Variants in NAA40 observed in about 807,000 individuals in gnomAD.
The protein encoded by NAA40 is N-alpha-acetyltransferase 40, NatD catalytic subunit.
In NAA40, 26 loss-of-function variants were observed where a neutral mutation model predicts 36.6. The observed-to-expected ratio is 0.71, with a 90% CI of 0.52 to 0.98. NAA40 has a LOEUF of 0.98. NAA40 is among the 50% of genes least tolerant of loss of function. The pLI is 0.00. For synonymous variants in NAA40, 129 were observed against 108.4 expected, an observed-to-expected ratio of 1.19 and a Z score of -1.18; for missense variants, 237 against 306.5, an observed-to-expected ratio of 0.77 and a Z score of 1.69.
At chr11:63,945,099 A>G (rs991174302) in intron 1 of NAA40, among the ~76,000 whole-genome samples, 4 of 152,126 alleles carry the variant, frequency 2.6e-5, no homozygotes, top group East Asian at 1.9e-4. Context: ...TCGCTGCTCT[A>G]TGCCAGGAGA....
intron 5 of NAA40, 78 bp from the exon 6 acceptor site, chr11:63,952,678 C>A: frequency 6.3e-7 from 1 of 1,598,624 alleles, no homozygotes. Flanking sequence ...CTGCCAAGGA[C>A]TGCAAGCTCC....
At chr11:63,946,729 T>C (rs1229366402) in intron 2 of NAA40, 1 of 1,524,820 alleles carries the variant, frequency 6.6e-7, no homozygotes, top group East Asian at 2.5e-5. Flanking sequence ...TGTCAGGTGA[T>C]GCCAAACTTA....
In NAA40 at chr11:63,939,088, G is replaced by T; in HGVS notation, c.-9G>T. ...TGTGAAGAAGAAGCTGAGCGTTGTC[G>T]CCGCCGCTATGGGGGTGAGTGAGGC... On this transcript the variant is annotated 5_prime_UTR_variant, in exon 1 of 8. Coordinates refer to ENST00000377793, the MANE Select transcript of NAA40 (RefSeq NM_024771.4). The T allele has an allele frequency of 6.2e-7, 1 of 1,604,482 alleles. No homozygotes were observed. Among genetic ancestry groups the T allele is most frequent in the South Asian group, 1.1e-5 (1 of 90,728 alleles).
intron 2 of NAA40, 119 bp from the exon 3 acceptor site, chr11:63,946,832 A>T: frequency 6.3e-7 from 1 of 1,591,180 alleles, no homozygotes; most frequent in Non-Finnish European, 8.6e-7. Context: ...CCTGGTTCTG[A>T]AGTTAGTCTC....
chr11:63,945,653 A>G (rs1445769266), intron 1 of NAA40, among the ~76,000 whole-genome samples, 187 bp from the exon 2 acceptor site: 1 of 152,084 alleles, frequency 6.6e-6, no homozygotes, highest in Non-Finnish European at 1.5e-5. Flanking sequence ...GTGACCTCTG[A>G]GGACTCCCCA....
At chr11:63,946,705 G>A in intron 2 of NAA40, 2 of 1,507,144 alleles carry the variant, frequency 1.3e-6, no homozygotes, top group South Asian at 2.4e-5. Context: ...GGCTAATGAG[G>A]TCTCCTCTTG....
intron 1 of NAA40, among the ~76,000 whole-genome samples, chr11:63,941,831 G>A (rs1379686695): frequency 6.6e-6 from 1 of 152,132 alleles, no homozygotes; most frequent in African/African-American, 2.4e-5. Context: ...TGGGGTTATA[G>A]GCATGAGCCA....
chr11:63,954,431 C>T lies in NAA40; in HGVS notation c.666C>T (p.Asp222=), dbSNP rs751751620. The change falls in exon 8 of 8, where the codon GAC becomes GAT. Residue 222 remains aspartate, a synonymous_variant. Transcript: ENST00000377793. ...TGAGCCGGAGGACCAAGTTTGGGGA[C>T]AGCCATCACTCCCACGCGGGTGGGC... is the stretch of plus-strand genomic sequence containing the variant. ...EILSRRTKFG[D]SHHSHAGGHC... 8 of 1,612,720 alleles carry T rather than the reference C, an allele frequency of 5.0e-6. No homozygotes were observed. In the Admixed American group the frequency reaches 1.2e-4, roughly 24 times the overall value.
chr11:63,940,535 G>A (rs1283462030), intron 1 of NAA40, among the ~76,000 whole-genome samples: 1 of 152,086 alleles, frequency 6.6e-6, no homozygotes, highest in Non-Finnish European at 1.5e-5. Context: ...TAGGGTAGTA[G>A]TGAAGATTAA....
chr11:63,953,276 C>T (rs138037832), intron 6 of NAA40, among the ~76,000 whole-genome samples: 2,484 of 152,134 alleles, frequency 0.016, 69 homozygotes, highest in African/African-American at 0.058. Context: ...AACTCCTGAC[C>T]TCAGGTGATC....
chr11:63,953,255 G>A (rs898359246), intron 6 of NAA40, among the ~76,000 whole-genome samples: 1 of 151,960 alleles, frequency 6.6e-6, no homozygotes, highest in Non-Finnish European at 1.5e-5. Context: ...TCCATGTTAA[G>A]GCTGGTCTCG....
intron 3 of NAA40, 86 bp downstream of exon 3, chr11:63,947,089 A>G (rs2134272581): frequency 7.3e-7 from 1 of 1,364,292 alleles, no homozygotes; most frequent in African/African-American, 1.4e-5. Context: ...TCAGACACAA[A>G]TTTTCTCATT....
chr11:63,940,911 A>G (rs1017578184), intron 1 of NAA40, among the ~76,000 whole-genome samples: 1 of 152,214 alleles, frequency 6.6e-6, no homozygotes, highest in Admixed American at 6.5e-5. Flanking sequence ...GTTGAAACTA[A>G]ATGAAACCTG....
intron 3 of NAA40, among the ~76,000 whole-genome samples, chr11:63,951,348 TTTTG>T (rs1205234730): frequency 2.0e-5 from 3 of 152,146 alleles, no homozygotes; most frequent in Non-Finnish European, 2.9e-5. Context: ...CCCGGTTTTT[TTTTG>T]TTTGTTTGGA....
intron 3 of NAA40, among the ~76,000 whole-genome samples, chr11:63,949,416 C>A (rs992628849): frequency 1.3e-5 from 2 of 152,060 alleles, no homozygotes; most frequent in Non-Finnish European, 2.9e-5. Context: ...TAGTAATCAT[C>A]GTACCCAATA....
Position 63,943,194 on chromosome 11 carries a change from G to A in NAA40, c.7-2646G>A, listed in dbSNP as rs937940787. On this transcript the variant is annotated intron_variant, in intron 1 of 7. Transcript: ENST00000377793. Reference sequence around the variant, plus strand: ...GTTGCTTTCATAAGTCATTCTGGGGGTGTCAGGAAGAGCATAGGCCCAATC... The same window carrying A: ...GTTGCTTTCATAAGTCATTCTGGGGATGTCAGGAAGAGCATAGGCCCAATC... Among the ~76,000 whole-genome samples, 56 of 152,062 alleles carry A rather than the reference G, an allele frequency of 3.7e-4. 2 individuals carry two copies. The highest frequency in any genetic ancestry group is 2.0e-3 in the Admixed American group (31 of 15,264).
At chr11:63,939,586 C>A in intron 1 of NAA40, 1 of 651,766 alleles carries the variant, frequency 1.5e-6, no homozygotes, top group Non-Finnish European at 1.9e-6. Flanking sequence ...GAATCCCAGT[C>A]CACTGCCCTT....
At position 63,952,777 on chromosome 11, in the gene NAA40, C is replaced by T. The variant is rs1942301833; in HGVS notation, c.432C>T (p.Ser144=). 1.2e-6 allele frequency: 2 copies of T among 1,614,124 alleles called. No individual in the cohort carries two copies. Among genetic ancestry groups the T allele is most frequent in the Non-Finnish European group, 1.7e-6 (2 of 1,180,038 alleles). ...CTAGCTATGAAGTGCAGTTGGAAAG[C>T]AAGGTGCGGCGGAAAGGCCTGGGGA... ...VLYCYEVQLE[S]KVRRKGLGKF... The change falls in exon 6 of 8, where the codon AGC becomes AGT. Residue 144 remains serine, a synonymous_variant. Coordinates refer to ENST00000377793, the MANE Select transcript of NAA40 (RefSeq NM_024771.4).
intron 1 of NAA40, among the ~76,000 whole-genome samples, chr11:63,942,493 A>T (rs559503350): frequency 6.6e-6 from 1 of 152,354 alleles, no homozygotes; most frequent in African/African-American, 2.4e-5. Context: ...TCACGCAGCT[A>T]GTAAGTGAAA....
Sources: allele counts gnomAD v4.1 joint callset (sites outside exome capture counted in the v4.1 genomes callset), GRCh38; gene constraint gnomAD v4.1.1; transcripts MANE v1.5; gene names NCBI Gene and HGNC (gene_info 2026-07-23, HGNC 2026-07-21).